Variants in RUNDC1 observed in about 807,000 individuals in gnomAD.
RUNDC1 encodes the protein RUN domain containing 1.
A neutral mutation model predicts 49.3 loss-of-function variants in RUNDC1; 31 were observed. The ratio of observed to expected loss-of-function variants is 0.63; its 90% CI spans 0.47 to 0.85. The LOEUF is 0.85. Ranked by LOEUF, RUNDC1 falls within the 40% of genes least tolerant of loss-of-function variation. The pLI is 0.00. For missense variants in RUNDC1, 715 were observed against 806.7 expected, an observed-to-expected ratio of 0.89 and a Z score of 1.38; for synonymous variants, 347 against 348.6, an observed-to-expected ratio of 1.00 and a Z score of 0.05.
chr17:42,981,052 C>T lies in RUNDC1; in HGVS notation c.476C>T (p.Pro159Leu). ...GGCGATGGGCTGCCAGGGGACCGGC[C>T]ATGGTTGCGGGGCGAGGACCAGGTG... ...DEGDGLPGDR[P>L]WLRGEDQSEQ... Residue 159 changes from proline (P) to leucine (L), a missense_variant, in exon 1 of 5, where the codon CCA (proline) becomes CTA (leucine). By Grantham distance (98) the Pro-to-Leu change is moderately conservative. This residue lies in a region of RUNDC1 where 113 missense variants were observed against 93.4 expected (regional missense o/e 1.21). Coordinates refer to ENST00000361677, the MANE Select transcript of RUNDC1 (RefSeq NM_173079.5). 1 of 1,562,574 alleles carries T rather than the reference C, an allele frequency of 6.4e-7. No homozygotes were observed. The highest frequency in any genetic ancestry group is 1.2e-5 in the South Asian group (1 of 86,528).
At chr17:42,988,820 A>C (rs2050202532) in intron 2 of RUNDC1, among the ~76,000 whole-genome samples, 1 of 151,960 alleles carries the variant, frequency 6.6e-6, no homozygotes, top group Non-Finnish European at 1.5e-5. Context: ...CTCTACAAAA[A>C]ATTTAAAAAT....
chr17:42,991,071 G>C lies in RUNDC1; in HGVS notation c.1197G>C (p.Gln399His), dbSNP rs1567732870. ...VDRVKQLALR[Q>H]QPHDHVITSA... is the part of the protein sequence containing the mutation. Reference sequence around the variant, plus strand: ...GAGTGAAGCAGCTAGCCTTGAGGCAGCAGCCACATGACCATGTCATCACCT... The same window carrying C: ...GAGTGAAGCAGCTAGCCTTGAGGCACCAGCCACATGACCATGTCATCACCT... The change falls in exon 5 of 5, where the codon CAG (glutamine) becomes CAC (histidine). Residue 399 changes from glutamine to histidine, a missense_variant. By Grantham distance (24) the Gln-to-His change is conservative. Coordinates refer to ENST00000361677, the MANE Select transcript of RUNDC1 (RefSeq NM_173079.5). 1 of 1,614,120 alleles carries C rather than the reference G, an allele frequency of 6.2e-7. No individual in the cohort carries two copies.
chr17:42,984,440 C>G (rs951388831), intron 1 of RUNDC1, among the ~76,000 whole-genome samples: 1 of 152,100 alleles, frequency 6.6e-6, no homozygotes, highest in African/African-American at 2.4e-5. Context: ...GCCACTATCC[C>G]CGGCTAAATT....
At chr17:42,987,916 C>A (rs1485737920) in intron 2 of RUNDC1, among the ~76,000 whole-genome samples, 1 of 152,064 alleles carries the variant, frequency 6.6e-6, no homozygotes, top group Non-Finnish European at 1.5e-5. Context: ...CCATGCTGGG[C>A]TAATTTTGTA....
In RUNDC1 at chr17:42,987,183, C is replaced by T; in HGVS notation, c.499-73C>T. The T allele has an allele frequency of 4.4e-6, 5 of 1,140,058 alleles. No individual in the cohort carries two copies. In the East Asian group the frequency reaches 9.4e-5, roughly 22 times the overall value. The allele number at this position is 1,140,058 out of a possible 1,614,324, so 70.6% of individuals were successfully genotyped here. A position where few individuals can be genotyped will look rare whatever the true frequency, so the allele number is the denominator to read the frequency against. The stretch of plus-strand genomic sequence containing the variant: ...CTTATATTTTATTGGTCATTACTGG[C>T]TCGAGCAGATTCTTAATGTGCCCTG... On this transcript the variant is annotated intron_variant, in intron 1 of 4. Coordinates refer to ENST00000361677, the MANE Select transcript of RUNDC1 (RefSeq NM_173079.5).
At chr17:42,983,366 TTC>T (rs1439648162) in intron 1 of RUNDC1, among the ~76,000 whole-genome samples, 3 of 150,958 alleles carry the variant, frequency 2.0e-5, no homozygotes, top group African/African-American at 7.4e-5. Flanking sequence ...ACCTTTTTTT[TTC>T]TTTTTCCTTT....
chr17:42,990,118 AATG>A (rs1264878823), intron 3 of RUNDC1, among the ~76,000 whole-genome samples, 196 bp from the exon 4 acceptor site: 3 of 152,154 alleles, frequency 2.0e-5, no homozygotes, highest in Non-Finnish European at 4.4e-5. Context: ...TCATCCATAA[AATG>A]ATGATTCATG....
In RUNDC1 at chr17:42,987,185, C is replaced by T. The variant is rs530531523; in HGVS notation, c.499-71C>T. Reference sequence around the variant, plus strand: ...TATATTTTATTGGTCATTACTGGCTCGAGCAGATTCTTAATGTGCCCTGAG... The same window carrying T: ...TATATTTTATTGGTCATTACTGGCTTGAGCAGATTCTTAATGTGCCCTGAG... On this transcript the variant is annotated intron_variant, in intron 1 of 4. Coordinates refer to ENST00000361677, the MANE Select transcript of RUNDC1 (RefSeq NM_173079.5). 66 of 1,175,854 alleles carry T rather than the reference C, an allele frequency of 5.6e-5. No homozygotes were observed. In the African/African-American group the frequency reaches 8.0e-4, roughly 14 times the overall value. The allele number at this position is 1,175,854 out of a possible 1,614,324, so 72.8% of individuals were successfully genotyped here.
chr17:42,981,429 T>G, intron 1 of RUNDC1: 1 of 245,122 alleles, frequency 4.1e-6, no homozygotes, highest in Non-Finnish European at 7.9e-6. Flanking sequence ...TTGAACACTT[T>G]GGCTGCTAGA....
chr17:42,987,375 T>C lies in RUNDC1; in HGVS notation c.618T>C (p.Tyr206=), dbSNP rs1455752673. 3 of 1,614,090 alleles carry C rather than the reference T, an allele frequency of 1.9e-6. No homozygotes were observed. Among genetic ancestry groups the C allele is most frequent in the South Asian group, 2.2e-5 (2 of 91,092 alleles). The part of the protein sequence containing the change: ...LETFAYQEGS[Y]DSLPQSVVLE... Reference sequence around the variant, plus strand: ...CGTTTGCCTATCAAGAGGGCAGTTATGACTCGCTGCCACAGTCCGTGGTGT... The same window carrying C: ...CGTTTGCCTATCAAGAGGGCAGTTACGACTCGCTGCCACAGTCCGTGGTGT... The change falls in exon 2 of 5, where the codon TAT becomes TAC. Residue 206 remains tyrosine (Y), a synonymous_variant. Coordinates refer to ENST00000361677, the MANE Select transcript of RUNDC1 (RefSeq NM_173079.5).
intron 1 of RUNDC1, among the ~76,000 whole-genome samples, chr17:42,982,364 A>G (rs2151956154): frequency 6.6e-6 from 1 of 152,202 alleles, no homozygotes; most frequent in African/African-American, 2.4e-5. Flanking sequence ...AGCCAAGAAG[A>G]TTTATCAAGC....
Position 42,987,289 on chromosome 17 carries a change from C to T in RUNDC1, c.532C>T (p.Gln178Ter), listed in dbSNP as rs1567731001. ...GGAAAAGCAAGAGCGTCTGGAAACCCAAAGGGAGAAGCAGAAAGAACTGAT... is the reference window on the plus strand; with the variant it reads ...GGAAAAGCAAGAGCGTCTGGAAACCTAAAGGGAGAAGCAGAAAGAACTGAT... ...EQEKQERLET[Q>*]REKQKELILQ... is the part of the protein sequence containing the mutation. The change falls in exon 2 of 5, where the codon CAA becomes TAA. Residue 178 changes from glutamine to a stop codon, truncating the protein, a stop_gained. Transcript: ENST00000361677. LOFTEE classifies it high-confidence loss of function. 1.2e-6 allele frequency: 2 copies of T among 1,613,956 alleles called. No individual in the cohort carries two copies. Among genetic ancestry groups the T allele is most frequent in the Admixed American group, 3.3e-5 (2 of 59,982 alleles).
chr17:42,985,587 T>C (rs554353866), intron 1 of RUNDC1: 1 of 542,730 alleles, frequency 1.8e-6, no homozygotes, highest in Admixed American at 7.7e-5. Context: ...AAACAAAAAG[T>C]TAATTTGTTG....
chr17:42,981,098 G>C, intron 1 of RUNDC1, 24 bp downstream of exon 1: 3 of 1,547,778 alleles, frequency 1.9e-6, no homozygotes, highest in Non-Finnish European at 2.6e-6. Context: ...GCCGGGCCGC[G>C]AGGAATATGG....
intron 2 of RUNDC1, 33 bp from the exon 3 acceptor site, chr17:42,989,308 A>T: frequency 6.4e-7 from 1 of 1,567,206 alleles, no homozygotes; most frequent in South Asian, 1.1e-5. Context: ...TAAAAATTCC[A>T]AAGGGTGTGC....
At chr17:42,986,525 T>G (rs2050173728) in intron 1 of RUNDC1, among the ~76,000 whole-genome samples, 1 of 151,450 alleles carries the variant, frequency 6.6e-6, no homozygotes, top group Non-Finnish European at 1.5e-5. Context: ...TGAGACGGAG[T>G]CTCGCTCTGT....
At chr17:42,981,146 A>G in intron 1 of RUNDC1, 72 bp downstream of exon 1, 1 of 1,464,528 alleles carries the variant, frequency 6.8e-7, no homozygotes, top group South Asian at 1.3e-5. Context: ...CCAGACCCGG[A>G]TGATGGTGCA....
chr17:42,983,036 G>A (rs183532510), intron 1 of RUNDC1, among the ~76,000 whole-genome samples: 68 of 146,030 alleles, frequency 4.7e-4, no homozygotes, highest in Non-Finnish European at 8.2e-4. Context: ...AAAAAAGACT[G>A]TGTGCAGTGG....
intron 3 of RUNDC1, among the ~76,000 whole-genome samples, chr17:42,989,855 G>A (rs1446655658): frequency 5.9e-5 from 9 of 151,960 alleles, no homozygotes; most frequent in Admixed American, 5.3e-4. Context: ...GGCTGGTCTC[G>A]TACTCCTGAC....
Sources: allele counts gnomAD v4.1 joint callset (sites outside exome capture counted in the v4.1 genomes callset), GRCh38; gene constraint gnomAD v4.1.1; regional missense constraint gnomAD v4.1.1; transcripts MANE v1.5; gene names NCBI Gene and HGNC (gene_info 2026-07-23, HGNC 2026-07-21).